Variants in GRAMD1B observed in about 807,000 individuals in gnomAD.
The protein encoded by GRAMD1B is GRAM domain containing 1B.
A neutral mutation model predicts 99.7 loss-of-function variants in GRAMD1B; 37 were observed. The ratio of observed to expected loss-of-function variants is 0.37; its 90% CI spans 0.29 to 0.49. GRAMD1B has a LOEUF of 0.49. Ranked by LOEUF, GRAMD1B falls within the 20% of genes least tolerant of loss-of-function variation. The probability of loss-of-function intolerance (pLI) is 0.98; values close to 1 mark genes in which losing one functional copy is unlikely to be tolerated. For missense variants in GRAMD1B, 888 were observed against 1,009.2 expected (o/e 0.88, Z 1.63); for synonymous variants, 427 against 387.6 (o/e 1.10, Z -1.19).
chr11:123,430,808 A>G lies in GRAMD1B; in HGVS notation c.16A>G (p.Met6Val). MPAAN[M>V]MENRPLPALQ... ...GACGGCCCCCATGCCGGCGGCCAAC[A>G]TGATGGAGAACCGGCCGCTGCCCGC... Residue 6 changes from methionine (M) to valine (V), a missense_variant, in exon 1 of 20, where the codon ATG becomes GTG. By Grantham distance (21) the Met-to-Val change is conservative. Transcript: ENST00000635736. 1.4e-6 allele frequency: 1 copy of G among 690,802 alleles called. No individual in the cohort carries two copies. The highest frequency in any genetic ancestry group is 2.6e-6 in the Non-Finnish European group (1 of 380,036). The allele number at this position is 690,802 out of a possible 1,614,324, so 42.8% of individuals were successfully genotyped here.
intron 1 of GRAMD1B, among the ~76,000 whole-genome samples, chr11:123,418,292 A>C (rs1459570678): frequency 1.3e-5 from 2 of 152,152 alleles, no homozygotes; most frequent in African/African-American, 4.8e-5. Flanking sequence ...GGGTTTCCCA[A>C]GGGGAGTTGG....
intron 1 of GRAMD1B, among the ~76,000 whole-genome samples, chr11:123,444,055 A>G (rs1949530498): frequency 6.6e-6 from 1 of 152,142 alleles, no homozygotes; most frequent in African/African-American, 2.4e-5. Flanking sequence ...GATGGCCAGT[A>G]TTTTGTATTC....
intron 1 of GRAMD1B, among the ~76,000 whole-genome samples, chr11:123,392,058 C>T (rs1947301010): frequency 6.6e-6 from 1 of 152,138 alleles, no homozygotes; most frequent in Non-Finnish European, 1.5e-5. Context: ...GAGTGAGGGA[C>T]TGGACCATTC....
intron 2 of GRAMD1B, among the ~76,000 whole-genome samples, chr11:123,554,027 T>C (rs1945893145): frequency 1.3e-5 from 2 of 152,192 alleles, no homozygotes; most frequent in South Asian, 2.1e-4. Context: ...TCCTTGACCC[T>C]CTTTCACTCT....
At chr11:123,390,409 T>C (rs905170268) in intron 1 of GRAMD1B, among the ~76,000 whole-genome samples, 6 of 152,208 alleles carry the variant, frequency 3.9e-5, no homozygotes, top group Non-Finnish European at 5.9e-5. Context: ...ATCACCCTGC[T>C]CCTTGAATCC....
chr11:123,388,469 T>C (rs942137613), intron 1 of GRAMD1B, among the ~76,000 whole-genome samples: 3 of 151,874 alleles, frequency 2.0e-5, no homozygotes, highest in Non-Finnish European at 4.4e-5. Flanking sequence ...GTCCAGGAGT[T>C]TGAGACCAGC....
chr11:123,585,345 A>C (rs1949960639), intron 4 of GRAMD1B, among the ~76,000 whole-genome samples: 1 of 152,082 alleles, frequency 6.6e-6, no homozygotes, highest in South Asian at 2.1e-4. Context: ...GTGTTTTCCT[A>C]CTTGGCGCTG....
intron 3 of GRAMD1B, among the ~76,000 whole-genome samples, chr11:123,582,791 C>T (rs1411347818): frequency 1.3e-5 from 2 of 152,246 alleles, no homozygotes; most frequent in Admixed American, 1.3e-4. Flanking sequence ...GCTTCCTTCC[C>T]TCTAGACACA....
At chr11:123,485,889 A>G (rs1371048267) in intron 2 of GRAMD1B, among the ~76,000 whole-genome samples, 1 of 151,650 alleles carries the variant, frequency 6.6e-6, no homozygotes, top group African/African-American at 2.4e-5. Flanking sequence ...TAACTTTTGT[A>G]TTTTTTGGTA....
chr11:123,622,654 A>AT lies in GRAMD1B; in HGVS notation c.*59_*60insT. 1 of 435,384 alleles carries AT rather than the reference A, an allele frequency of 2.3e-6. No individual in the cohort carries two copies. The highest frequency in any genetic ancestry group is 4.1e-6 in the Non-Finnish European group (1 of 245,176). 27.0% of individuals were successfully genotyped at this position (435,384 alleles called of 1,614,324 possible). On this transcript the variant is annotated 3_prime_UTR_variant, in exon 20 of 20. Transcript: ENST00000635736. Reference sequence around the variant, plus strand: ...TGCAATACATGTACATAGACCATATAAATATATATATATAAATATATATAT... The same window carrying AT: ...TGCAATACATGTACATAGACCATATATAATATATATATATAAATATATATAT...
At chr11:123,418,769 G>A (rs1016652769) in intron 1 of GRAMD1B, among the ~76,000 whole-genome samples, 29 of 152,304 alleles carry the variant, frequency 1.9e-4, no homozygotes, top group African/African-American at 6.5e-4. Flanking sequence ...GAGACTTCCA[G>A]GCTGGGAAAT....
intron 2 of GRAMD1B, chr11:123,560,747 C>G (rs1413217116): frequency 2.2e-6 from 1 of 446,810 alleles, no homozygotes; most frequent in African/African-American, 2.1e-5. Context: ...TCTTTGTTTC[C>G]TCGTGGGATT....
chr11:123,480,731 T>C (rs1406025663), intron 1 of GRAMD1B, 85 bp from the exon 2 acceptor site: 1 of 398,032 alleles, frequency 2.5e-6, no homozygotes, highest in Non-Finnish European at 4.4e-6. Flanking sequence ...ACCCCATGTC[T>C]TTGTCTAGTT....
At chr11:123,590,234 C>T (rs1028979145) in intron 4 of GRAMD1B, among the ~76,000 whole-genome samples, 2 of 152,182 alleles carry the variant, frequency 1.3e-5, no homozygotes, top group Non-Finnish European at 2.9e-5. Flanking sequence ...TTGATCTCAG[C>T]GTCTCCACCA....
In GRAMD1B at chr11:123,591,069, G is replaced by A. The variant is rs1950594340; in HGVS notation, c.685-3013G>A. ...GACTGTCTGCACTGACCAGGTGGAG[G>A]TGCGTGACCACACCACCTCTGGGCT... On this transcript the variant is annotated intron_variant, in intron 4 of 19. Coordinates refer to ENST00000635736, the MANE Select transcript of GRAMD1B (RefSeq NM_001387025.1). This position sits in a 1 kb window ranked among gnomAD's most constrained non-coding sequence, Gnocchi z 4.7. 1 of 192,244 alleles carries A rather than the reference G, an allele frequency of 5.2e-6. No individual in the cohort carries two copies. Among genetic ancestry groups the A allele is most frequent in the Admixed American group, 6.1e-5 (1 of 16,386 alleles). 11.9% of individuals were successfully genotyped at this position (192,244 alleles called of 1,614,324 possible). A position where few individuals can be genotyped will look rare whatever the true frequency, so the allele number is the denominator to read the frequency against.
intron 1 of GRAMD1B, among the ~76,000 whole-genome samples, chr11:123,420,684 G>T (rs1392874873): frequency 6.6e-6 from 1 of 152,172 alleles, no homozygotes; most frequent in African/African-American, 2.4e-5. Context: ...CTTCACAAAC[G>T]ATGACAGGGA....
intron 2 of GRAMD1B, chr11:123,525,799 G>A: frequency 3.3e-6 from 1 of 307,036 alleles, no homozygotes; most frequent in South Asian, 4.1e-5. Flanking sequence ...GCTGTTGACG[G>A]CAACTCCAGG....
chr11:123,502,463 A>G (rs10893048), intron 2 of GRAMD1B, among the ~76,000 whole-genome samples: 95,765 of 151,512 alleles, frequency 0.63, 30,808 homozygotes, highest in Middle Eastern at 0.71. Flanking sequence ...CTCCTGAACT[A>G]CGGTTACTTC....
At chr11:123,360,769 T>TTCCTTCCC (rs1946115187) in intron 1 of GRAMD1B, among the ~76,000 whole-genome samples, 1 of 9,300 alleles carries the variant, frequency 1.1e-4, no homozygotes, top group Non-Finnish European at 1.7e-4. Context: ...CCTTCCTTCT[T>TTCCTTCCC]TCCTTCCTTC....
Sources: gnomAD v4.1 joint callset for allele counts (sites outside exome capture counted in the v4.1 genomes callset) on GRCh38, gnomAD v4.1.1 for gene constraint, Gnocchi (gnomAD v3.1) non-coding constraint, MANE v1.5 for transcripts, NCBI Gene and HGNC (gene_info 2026-07-23, HGNC 2026-07-21) for gene names.